RALGPS2: variants seen among roughly 807,000 people sequenced by gnomAD.
RALGPS2 encodes the protein ras-specific guanine nucleotide-releasing factor RalGPS2.
In RALGPS2, 43 loss-of-function variants were observed where a neutral mutation model predicts 86.8. That is an observed-to-expected ratio of 0.50 (90% CI 0.39 to 0.64). The LOEUF (loss-of-function observed/expected upper bound fraction) is 0.64, where lower values mean the gene tolerates loss of function less well. RALGPS2 is among the 30% of genes least tolerant of loss of function. The probability of loss-of-function intolerance (pLI) is 0.00; values close to 1 mark genes in which losing one functional copy is unlikely to be tolerated. For missense variants in RALGPS2, 536 were observed against 694.6 expected, an observed-to-expected ratio of 0.77 and a Z score of 2.57; for synonymous variants, 243 against 231.3, an observed-to-expected ratio of 1.05 and a Z score of -0.46.
intron 8 of RALGPS2, among the ~76,000 whole-genome samples, chr1:178,857,175 A>G (rs1365594998): frequency 6.6e-6 from 1 of 152,186 alleles, no homozygotes; most frequent in African/African-American, 2.4e-5. Context: ...TCATACTTAG[A>G]TTATTGCGTG....
chr1:178,834,558 G>A (rs1656178403), intron 8 of RALGPS2, among the ~76,000 whole-genome samples: 1 of 152,102 alleles, frequency 6.6e-6, no homozygotes, highest in African/African-American at 2.4e-5. Context: ...GCAGAGAATG[G>A]GGACCTATTG....
chr1:178,817,515 T>G (rs551557423), intron 6 of RALGPS2, among the ~76,000 whole-genome samples: 1 of 152,214 alleles, frequency 6.6e-6, no homozygotes, highest in Non-Finnish European at 1.5e-5. Context: ...TCTCTTTGTC[T>G]TAATTACTGT....
chr1:178,840,937 A>G (rs1404153325), intron 8 of RALGPS2, among the ~76,000 whole-genome samples: 1 of 152,230 alleles, frequency 6.6e-6, no homozygotes, highest in Non-Finnish European at 1.5e-5. Flanking sequence ...ACACCCTCCC[A>G]AGACTAAACC....
chr1:178,861,144 T>C lies in RALGPS2; in HGVS notation c.608-16354T>C, dbSNP rs374704684. ...AAGGTAGTGGTAGAACCAGGTGTTC[T>C]TAATTCCATGCTCTTTCCCTTATAT... is the stretch of plus-strand genomic sequence containing the variant. On this transcript the variant is annotated intron_variant, in intron 8 of 19. Coordinates refer to ENST00000367635, the MANE Select transcript of RALGPS2 (RefSeq NM_152663.5). Among the ~76,000 whole-genome samples the C allele has an allele frequency of 3.9e-5, 6 of 152,292 alleles. No individual in the cohort carries two copies. In the East Asian group the frequency reaches 1.2e-3, roughly 29 times the overall value.
intron 4 of RALGPS2, among the ~76,000 whole-genome samples, chr1:178,807,099 G>A (rs1328879552): frequency 2.6e-5 from 4 of 152,296 alleles, no homozygotes; most frequent in Non-Finnish European, 4.4e-5. Context: ...TTGAGAGGCT[G>A]AGGCAGTAGG....
In RALGPS2 at chr1:178,853,637, G is replaced by A. The variant is rs1465607407; in HGVS notation, c.607+20087G>A. Reference sequence around the variant, plus strand: ...TCTGAAGAAGTTGACAGAGCCGTCTGTTCTTTTCTGAATAACAGTCCAACC... The same window carrying A: ...TCTGAAGAAGTTGACAGAGCCGTCTATTCTTTTCTGAATAACAGTCCAACC... On this transcript the variant is annotated intron_variant, in intron 8 of 19. Transcript: ENST00000367635. 3.7e-6 allele frequency: 6 copies of A among 1,609,070 alleles called. No homozygotes were observed. The highest frequency in any genetic ancestry group is 1.3e-5 in the African/African-American group (1 of 74,458).
chr1:178,805,519 C>T (rs922908389), intron 4 of RALGPS2, among the ~76,000 whole-genome samples: 1 of 151,714 alleles, frequency 6.6e-6, no homozygotes, highest in African/African-American at 2.4e-5. Context: ...TTCCCAGCAC[C>T]ATTTATTAAA....
At chr1:178,806,885 C>T (rs942143454) in intron 4 of RALGPS2, among the ~76,000 whole-genome samples, 3 of 152,108 alleles carry the variant, frequency 2.0e-5, no homozygotes, top group Admixed American at 6.6e-5. Context: ...ACCTTGGACT[C>T]GTCCGGCAGG....
chr1:178,862,617 A>C (rs1658110757), intron 8 of RALGPS2, among the ~76,000 whole-genome samples: 1 of 150,700 alleles, frequency 6.6e-6, no homozygotes, highest in Admixed American at 6.6e-5. Flanking sequence ...TTATTTATTT[A>C]TTTATTTATT....
Position 178,883,595 on chromosome 1 carries a change from T to A in RALGPS2, c.904+62T>A, listed in dbSNP as rs1249851469. Reference sequence around the variant, plus strand: ...TCAGATAACCTAATAAGGAAGAATATACTCCAAAGTAAATAAAAACTTAGT... The same window carrying A: ...TCAGATAACCTAATAAGGAAGAATAAACTCCAAAGTAAATAAAAACTTAGT... On this transcript the variant is annotated intron_variant, in intron 11 of 19. Coordinates refer to ENST00000367635, the MANE Select transcript of RALGPS2 (RefSeq NM_152663.5). 4.0e-6 allele frequency: 5 copies of A among 1,254,630 alleles called. No individual in the cohort carries two copies. In the Admixed American group the frequency reaches 9.2e-5, roughly 23 times the overall value. The allele number at this position is 1,254,630 out of a possible 1,614,324, so 77.7% of individuals were successfully genotyped here.
chr1:178,789,894 T>A (rs1653866064), intron 4 of RALGPS2, among the ~76,000 whole-genome samples: 1 of 151,990 alleles, frequency 6.6e-6, no homozygotes, highest in Admixed American at 6.6e-5. Flanking sequence ...AATGAGAGAG[T>A]GTTTTTAAAA....
intron 1 of RALGPS2, among the ~76,000 whole-genome samples, chr1:178,732,454 A>C (rs1650422269): frequency 6.6e-6 from 1 of 152,030 alleles, no homozygotes; most frequent in Non-Finnish European, 1.5e-5. Context: ...GCGTGCCACC[A>C]CATCCGGCTA....
chr1:178,824,249 G>A (rs528601419), intron 7 of RALGPS2, among the ~76,000 whole-genome samples: 2 of 152,280 alleles, frequency 1.3e-5, no homozygotes, highest in African/African-American at 4.8e-5. Context: ...AGCAAGTATA[G>A]AGAATGCTTT....
At chr1:178,816,035 T>C (rs879433798) in intron 6 of RALGPS2, among the ~76,000 whole-genome samples, 10 of 152,238 alleles carry the variant, frequency 6.6e-5, no homozygotes, top group African/African-American at 2.4e-4. Flanking sequence ...AAAACTGTTA[T>C]GAACATTTTT....
chr1:178,734,619 A>T (rs768806180), intron 1 of RALGPS2, among the ~76,000 whole-genome samples: 9 of 152,226 alleles, frequency 5.9e-5, no homozygotes, highest in Non-Finnish European at 1.3e-4. Context: ...TTGCCATAAT[A>T]TTTGAGAAGA....
Position 178,763,914 on chromosome 1 carries a change from T to G in RALGPS2, c.-83-12768T>G, listed in dbSNP as rs548821301. 1.6e-3 allele frequency among the ~76,000 whole-genome samples: 244 copies of G among 152,276 alleles called. 3 individuals carry two copies. The highest frequency in any genetic ancestry group is 0.011 in the South Asian group (54 of 4,824). ...TTAATGAGGATTGTTTTATGTCCGA[T>G]TGTGGGTTGATTTTAAAGTATGTGC... is the stretch of plus-strand genomic sequence containing the variant. On this transcript the variant is annotated intron_variant, in intron 1 of 19. Coordinates refer to ENST00000367635, the MANE Select transcript of RALGPS2 (RefSeq NM_152663.5).
At chr1:178,906,536 T>C (rs138685790) in intron 18 of RALGPS2, among the ~76,000 whole-genome samples, 1 of 152,296 alleles carries the variant, frequency 6.6e-6, no homozygotes, top group African/African-American at 2.4e-5. Context: ...TTTCTTCTAA[T>C]TCATAAGCAG....
Position 178,918,892 on chromosome 1 carries a change from T to C in RALGPS2, c.*2533T>C, listed in dbSNP as rs1290673138. On this transcript the variant is annotated 3_prime_UTR_variant, in exon 20 of 20. Coordinates refer to ENST00000367635, the MANE Select transcript of RALGPS2 (RefSeq NM_152663.5). ...ATTCGTGGGAAGATGAATCTTCTTA[T>C]TAAGCCTGCCCTCAATTGTAAATAA... 1.3e-5 allele frequency: 2 copies of C among 152,118 alleles called. No individual in the cohort carries two copies. Among genetic ancestry groups the C allele is most frequent in the African/African-American group, 4.8e-5 (2 of 41,456 alleles). The allele number at this position is 152,118 out of a possible 1,614,324, so 9.4% of individuals were successfully genotyped here. A position where few individuals can be genotyped will look rare whatever the true frequency, so the allele number is the denominator to read the frequency against.
rs576210539 is a variant in RALGPS2, at chr1:178,819,706, A to G, written c.388-1906A>G. ...TAAGATGTGTTTCATATCTTACCCA[A>G]TATTTTTAATTATTTTCACTGGAAG... On this transcript the variant is annotated intron_variant, in intron 6 of 19. Transcript: ENST00000367635. 3.6e-3 allele frequency among the ~76,000 whole-genome samples: 550 copies of G among 152,292 alleles called. 8 individuals carry two copies. The highest frequency in any genetic ancestry group is 0.025 in the South Asian group (121 of 4,824).
Sources: gnomAD v4.1 joint callset for allele counts (sites outside exome capture counted in the v4.1 genomes callset) on GRCh38, gnomAD v4.1.1 for gene constraint, MANE v1.5 for transcripts, NCBI Gene and HGNC (gene_info 2026-07-23, HGNC 2026-07-21) for gene names.